Variants in AGBL4 observed in about 807,000 individuals in gnomAD.
The protein encoded by AGBL4 is AGBL carboxypeptidase 4, also known as cytosolic carboxypeptidase 6.
A neutral mutation model predicts 66.4 loss-of-function variants in AGBL4; 58 were observed. That is an observed-to-expected ratio of 0.87 (90% CI 0.71 to 1.09). The LOEUF is 1.09. Ranked by LOEUF, AGBL4 falls within the 50% of genes least tolerant of loss-of-function variation. The pLI is 0.00. For synonymous variants in AGBL4, 234 were observed against 222.9 expected (o/e 1.05, Z -0.44); for missense variants, 579 against 631.0 (o/e 0.92, Z 0.88).
At chr1:49,984,531 T>C (rs1364077888) in intron 1 of AGBL4, among the ~76,000 whole-genome samples, 1 of 152,190 alleles carries the variant, frequency 6.6e-6, no homozygotes, top group Non-Finnish European at 1.5e-5. Context: ...CTGTTGAACA[T>C]GTATATTTAG....
At chr1:49,626,518 G>T (rs1158760408) in intron 3 of AGBL4, among the ~76,000 whole-genome samples, 1 of 152,158 alleles carries the variant, frequency 6.6e-6, no homozygotes, top group East Asian at 1.9e-4. Flanking sequence ...AGCTCAATGT[G>T]CTTTGGTAAG....
In AGBL4 at chr1:49,549,604, G is replaced by A. The variant is rs148571464; in HGVS notation, c.282+147709C>T. 8.2e-4 allele frequency among the ~76,000 whole-genome samples: 124 copies of A among 152,122 alleles called. 1 individual carries two copies. Among genetic ancestry groups the A allele is most frequent in the Admixed American group, 6.8e-3 (104 of 15,284 alleles). On this transcript the variant is annotated intron_variant, in intron 3 of 13. Coordinates refer to ENST00000371839, the MANE Select transcript of AGBL4 (RefSeq NM_032785.4). Reference sequence around the variant, plus strand: ...TTGCATGGCTTTGAAGCTTCCTTTTGGAGTTGATTTCCAGTTTTATTCCAC... The same window carrying A: ...TTGCATGGCTTTGAAGCTTCCTTTTAGAGTTGATTTCCAGTTTTATTCCAC...
At chr1:49,862,089 T>G (rs1646587142) in intron 1 of AGBL4, among the ~76,000 whole-genome samples, 1 of 152,096 alleles carries the variant, frequency 6.6e-6, no homozygotes, top group African/African-American at 2.4e-5. Context: ...ATATGTGACC[T>G]TTCAGACAGA....
chr1:49,654,748 C>A (rs1372769361), intron 3 of AGBL4, among the ~76,000 whole-genome samples: 1 of 152,158 alleles, frequency 6.6e-6, no homozygotes, highest in Admixed American at 6.5e-5. Flanking sequence ...ATTGCAACCC[C>A]TGCCTTTTTT....
Position 49,196,670 on chromosome 1 carries a change from CT to C in AGBL4, c.377+49099del, listed in dbSNP as rs553912266. 3.4e-4 allele frequency among the ~76,000 whole-genome samples: 52 copies of C among 151,532 alleles called. 1 individual carries two copies. The South Asian group carries it at 0.01, about 29-fold the overall frequency. On this transcript the variant is annotated intron_variant, in intron 4 of 13. Transcript: ENST00000371839. ...TGAATTTACTTTTGGTGGGGTGAGA[CT>C]TTTTTTGTCATAACTGAAGAAATCA...
intron 3 of AGBL4, among the ~76,000 whole-genome samples, chr1:49,434,695 G>T (rs563540913): frequency 6.6e-6 from 1 of 151,014 alleles, no homozygotes; most frequent in African/African-American, 2.4e-5. Context: ...TGGTGGTGGT[G>T]GTGGTGGTGG....
At chr1:49,181,102 C>T (rs1329283690) in intron 4 of AGBL4, among the ~76,000 whole-genome samples, 6 of 152,206 alleles carry the variant, frequency 3.9e-5, no homozygotes, top group Non-Finnish European at 8.8e-5. Context: ...GGGACAAGGA[C>T]ATATTTAGGC....
At chr1:48,926,701 A>G (rs1654606503) in intron 5 of AGBL4, among the ~76,000 whole-genome samples, 1 of 152,130 alleles carries the variant, frequency 6.6e-6, no homozygotes, top group South Asian at 2.1e-4. Context: ...TTCTACTGCT[A>G]CCCTATTACT....
chr1:49,365,229 C>G (rs1436984769), intron 3 of AGBL4, among the ~76,000 whole-genome samples: 1 of 152,112 alleles, frequency 6.6e-6, no homozygotes, highest in Non-Finnish European at 1.5e-5. Flanking sequence ...AAAGAAATGG[C>G]ATGAGTTTTG....
At chr1:48,733,528 A>C (rs796118685) in intron 6 of AGBL4, among the ~76,000 whole-genome samples, 6 of 152,334 alleles carry the variant, frequency 3.9e-5, no homozygotes, top group African/African-American at 1.4e-4. Context: ...GGCTTGGAAA[A>C]TGAGGTAGTA....
intron 3 of AGBL4, among the ~76,000 whole-genome samples, chr1:49,285,620 C>T (rs996413619): frequency 1.3e-5 from 2 of 152,074 alleles, no homozygotes; most frequent in African/African-American, 4.8e-5. Context: ...TGATAGACCG[C>T]TAGCAAGACT....
chr1:49,353,792 C>T (rs1432092512), intron 3 of AGBL4, among the ~76,000 whole-genome samples: 2 of 152,100 alleles, frequency 1.3e-5, no homozygotes, highest in African/African-American at 4.8e-5. Flanking sequence ...GAAGGAGCAT[C>T]TAAACATCAA....
At chr1:49,885,259 G>T (rs1447309262) in intron 1 of AGBL4, among the ~76,000 whole-genome samples, 6 of 151,738 alleles carry the variant, frequency 4.0e-5, no homozygotes, top group Admixed American at 3.3e-4. Flanking sequence ...TCATAATTTT[G>T]AAAGAAAATT....
chr1:49,158,312 A>G (rs1278094194), intron 4 of AGBL4, among the ~76,000 whole-genome samples: 1 of 152,170 alleles, frequency 6.6e-6, no homozygotes, highest in African/African-American at 2.4e-5. Context: ...TGGCAACAAA[A>G]GCCACAATTG....
rs146201896 is a variant in AGBL4, at chr1:49,484,863, T to A, written c.282+212450A>T. On this transcript the variant is annotated intron_variant, in intron 3 of 13. Coordinates refer to ENST00000371839, the MANE Select transcript of AGBL4 (RefSeq NM_032785.4). Reference sequence around the variant, plus strand: ...GTATCAAAACATCTCATTTAATTCATAAATATATATATACACTATGTACCC... The same window carrying A: ...GTATCAAAACATCTCATTTAATTCAAAAATATATATATACACTATGTACCC... Among the ~76,000 whole-genome samples, 228 of 152,098 alleles carry A rather than the reference T, an allele frequency of 1.5e-3. 4 individuals are homozygous for A. The East Asian group carries it at 0.031, about 21-fold the overall frequency.
At chr1:49,198,649 C>T (rs12098030) in intron 4 of AGBL4, among the ~76,000 whole-genome samples, 1 of 152,088 alleles carries the variant, frequency 6.6e-6, no homozygotes, top group Non-Finnish European at 1.5e-5. Context: ...CGGTGTGAAT[C>T]TTTACAAGCT....
intron 1 of AGBL4, among the ~76,000 whole-genome samples, chr1:49,922,332 A>G (rs562907696): frequency 6.6e-6 from 1 of 152,136 alleles, no homozygotes; most frequent in Non-Finnish European, 1.5e-5. Context: ...TATATAACAA[A>G]CCCACAGCTA....
intron 2 of AGBL4, among the ~76,000 whole-genome samples, chr1:49,794,702 TTA>T (rs1178899505): frequency 6.6e-6 from 1 of 151,994 alleles, no homozygotes; most frequent in African/African-American, 2.4e-5. Context: ...ATTTTCTTCT[TTA>T]TGTTTATAGA....
intron 3 of AGBL4, among the ~76,000 whole-genome samples, chr1:49,629,128 T>C (rs764726375): frequency 2.6e-5 from 4 of 152,180 alleles, no homozygotes; most frequent in Non-Finnish European, 4.4e-5. Context: ...ATTTTATAAA[T>C]CAAGCATTAT....
Sources: allele counts gnomAD v4.1 joint callset (sites outside exome capture counted in the v4.1 genomes callset), GRCh38; gene constraint gnomAD v4.1.1; transcripts MANE v1.5; gene names NCBI Gene and HGNC (gene_info 2026-07-23, HGNC 2026-07-21).